The following TONSL variants were observed in gnomAD, a reference collection of about 807,000 sequenced individuals.
TONSL encodes the protein tonsoku-like protein.
TONSL carries 112 observed loss-of-function variants against 147.1 expected under a neutral mutation model. That is an observed-to-expected ratio of 0.76 (90% CI 0.65 to 0.89). The LOEUF is 0.89. Among genes scored for constraint, TONSL ranks in the 40% least tolerant of loss-of-function variants. TONSL has a pLI of 0.00. For synonymous variants in TONSL, 868 were observed against 801.5 expected (o/e 1.08, Z -1.40); for missense variants, 1,883 against 1,864.6 (o/e 1.01, Z -0.18).
Position 144,436,303 on chromosome 8 carries a change from C to T in TONSL, c.2130G>A (p.Glu710=). 1 of 1,504,000 alleles carries T rather than the reference C, an allele frequency of 6.6e-7. No individual in the cohort carries two copies. The highest frequency in any genetic ancestry group is 8.8e-7 in the Non-Finnish European group (1 of 1,133,032). The allele number at this position is 1,504,000 out of a possible 1,614,324, so 93.2% of individuals were successfully genotyped here. The stretch of plus-strand genomic sequence containing the variant: ...AGACCCTGACATGGGCCTGAGAGGC[C>T]TCTGGGAGTCTAGTGCTATTAGAGG... The part of the protein sequence containing the change: ...EPPSNSTRLP[E]ASQAHVRVSP... Residue 710 remains glutamate, a synonymous_variant, in exon 17 of 26, where the codon GAG becomes GAA. Coordinates refer to ENST00000409379, the MANE Select transcript of TONSL (RefSeq NM_013432.5).
At chr8:144,432,645 A>C in intron 22 of TONSL, 185 bp from the exon 23 acceptor site, 1 of 569,608 alleles carries the variant, frequency 1.8e-6, no homozygotes, top group Non-Finnish European at 2.8e-6. Context: ...GCGGGGCCAG[A>C]CTTCCAAGCT....
chr8:144,431,659 C>T lies in TONSL; in HGVS notation c.3736-508G>A, dbSNP rs191746061. 8.3e-3 allele frequency among the ~76,000 whole-genome samples: 1,263 copies of T among 151,754 alleles called. 14 individuals carry two copies. The highest frequency in any genetic ancestry group is 0.024 in the African/African-American group (1,004 of 41,368). ...TCCCAAGTAGCTGGGACTCCAGGAG[C>T]CCGTCACCACGCCCGGCTAATTTTT... On this transcript the variant is annotated intron_variant, in intron 23 of 25. Transcript: ENST00000409379.
At chr8:144,441,135 G>C in intron 7 of TONSL, 24 bp from the exon 8 acceptor site, 2 of 1,611,162 alleles carry the variant, frequency 1.2e-6, no homozygotes, top group Non-Finnish European at 1.7e-6. Context: ...GTTCATGCAG[G>C]GGGGCAGCAC....
chr8:144,440,685 A>T, intron 9 of TONSL, 33 bp downstream of exon 9: 2 of 1,599,750 alleles, frequency 1.3e-6, no homozygotes, highest in Non-Finnish European at 1.7e-6. Context: ...GACATGGGTG[A>T]ACCTGCATTC....
At chr8:144,438,021 A>G (rs1456656589) in intron 13 of TONSL, among the ~76,000 whole-genome samples, 1 of 151,222 alleles carries the variant, frequency 6.6e-6, no homozygotes, top group Non-Finnish European at 1.5e-5. Context: ...TCCCACCTCA[A>G]CCTCCAAAGC....
intron 13 of TONSL, 101 bp from the exon 14 acceptor site, chr8:144,437,200 T>C: frequency 8.2e-7 from 1 of 1,223,984 alleles, no homozygotes; most frequent in Middle Eastern, 2.3e-4. Context: ...GCCTCAGTCT[T>C]AGAGCCCAGA....
intron 23 of TONSL, 54 bp downstream of exon 23, chr8:144,432,231 G>C: frequency 6.3e-7 from 1 of 1,588,314 alleles, no homozygotes; most frequent in Non-Finnish European, 8.6e-7. Context: ...CAGCAACCCT[G>C]GGACCTTTGG....
rs1048649220 is a variant in TONSL, at chr8:144,435,302, C to G, written c.2853-132G>C. On this transcript the variant is annotated intron_variant, in intron 18 of 25. Coordinates refer to ENST00000409379, the MANE Select transcript of TONSL (RefSeq NM_013432.5). Reference sequence around the variant, plus strand: ...CATTCCCAGGTAGCCGGCCCCTCCTCTCCCTGCAGCCCAGCACACCACCAG... The same window carrying G: ...CATTCCCAGGTAGCCGGCCCCTCCTGTCCCTGCAGCCCAGCACACCACCAG... The G allele has an allele frequency of 1.8e-5, 24 of 1,309,974 alleles. No individual in the cohort carries two copies. In the Admixed American group the frequency reaches 4.3e-4, roughly 23 times the overall value. The allele number at this position is 1,309,974 out of a possible 1,614,324, so 81.1% of individuals were successfully genotyped here. A position where few individuals can be genotyped will look rare whatever the true frequency, so the allele number is the denominator to read the frequency against.
rs373966287 is a variant in TONSL, at chr8:144,442,284, C to T, written c.707G>A (p.Arg236Lys). 27 of 1,597,408 alleles carry T rather than the reference C, an allele frequency of 1.7e-5. No individual in the cohort carries two copies. The highest frequency in any genetic ancestry group is 2.2e-5 in the Non-Finnish European group (26 of 1,168,478). The change falls in exon 6 of 26, where the codon AGG (arginine) becomes AAG (lysine). Residue 236 changes from arginine to lysine, a missense_variant. By Grantham distance (26) the Arg-to-Lys change is conservative. Coordinates refer to ENST00000409379, the MANE Select transcript of TONSL (RefSeq NM_013432.5). ...EGARECAHTM[R>K]KRFMESECCV... ...GCACTCGCTCTCCATGAACCGCTTC[C>T]TCATGGTGTGCGCACACTCCCGGGC...
intron 5 of TONSL, 123 bp from the exon 6 acceptor site, chr8:144,442,535 T>C: frequency 2.0e-6 from 3 of 1,479,042 alleles, no homozygotes; most frequent in East Asian, 4.6e-5. Context: ...CTTCTCCCAG[T>C]GTGTGGCACA....
chr8:144,436,156 C>A lies in TONSL; in HGVS notation c.2277G>T (p.Arg759Ser), dbSNP rs1296137715. The change falls in exon 17 of 26, where the codon AGG (arginine) becomes AGT (serine). Residue 759 changes from arginine to serine, a missense_variant. Physicochemically the swap from Arg to Ser is moderately radical, Grantham distance 110. Transcript: ENST00000409379. ...SAGPARPSQK[R>S]PRCSATAQRV... Reference sequence around the variant, plus strand: ...GTTGTGCTGTGGCCGAGCACCGAGGCCTCTTCTGGGACGGCCGTGCGGGGC... The same window carrying A: ...GTTGTGCTGTGGCCGAGCACCGAGGACTCTTCTGGGACGGCCGTGCGGGGC... The A allele has an allele frequency of 2.5e-6, 4 of 1,572,926 alleles. No homozygotes were observed. The highest frequency in any genetic ancestry group is 1.1e-5 in the South Asian group (1 of 88,710).
Position 144,440,208 on chromosome 8 carries a change from C to T in TONSL, c.1293G>A (p.Arg431=). The change falls in exon 11 of 26, where the codon AGG becomes AGA. Residue 431 remains arginine, a splice_region_variant and synonymous_variant. Transcript: ENST00000409379. ...AQQAQRPQLQ[R]QVLQHLHTVQ... ...CGGTATGGAGATGCTGCAAGACCTG[C>T]CTCTGAGGAGCAGAGGGATGCTCAG... The T allele has an allele frequency of 6.3e-7, 1 of 1,591,626 alleles. No individual in the cohort carries two copies. Among genetic ancestry groups the T allele is most frequent in the South Asian group, 1.1e-5 (1 of 89,126 alleles).
intron 23 of TONSL, among the ~76,000 whole-genome samples, chr8:144,431,911 C>T (rs1305316810): frequency 6.6e-6 from 1 of 151,130 alleles, no homozygotes; most frequent in Non-Finnish European, 1.5e-5. Flanking sequence ...TCACTGCAAC[C>T]TCTGCCTCCC....
At position 144,438,458 on chromosome 8, in the gene TONSL, G is replaced by C. The variant is rs781476777; in HGVS notation, c.1653+13C>G. Reference sequence around the variant, plus strand: ...GCTAGGCAGCCTGTCCCACGTCCCAGAGCGGGGCCCACCTGCCTCACAAGG... The same window carrying C: ...GCTAGGCAGCCTGTCCCACGTCCCACAGCGGGGCCCACCTGCCTCACAAGG... On this transcript the variant is annotated intron_variant, in intron 13 of 25. Transcript: ENST00000409379. The C allele has an allele frequency of 6.2e-6, 10 of 1,611,326 alleles. No individual in the cohort carries two copies. Among genetic ancestry groups the C allele is most frequent in the Admixed American group, 1.7e-5 (1 of 59,968 alleles).
intron 9 of TONSL, 58 bp from the exon 10 acceptor site, chr8:144,440,534 C>T: frequency 6.5e-7 from 1 of 1,543,880 alleles, no homozygotes; most frequent in Non-Finnish European, 8.7e-7. Context: ...CAACGGGCCC[C>T]AGTCAAGCTT....
chr8:144,444,140 G>A (rs945972644), intron 2 of TONSL, 40 bp downstream of exon 2: 11 of 1,351,914 alleles, frequency 8.1e-6, no homozygotes, highest in African/African-American at 1.5e-5. Context: ...CCGGGCCCGG[G>A]CCCCGGCCCT....
In TONSL at chr8:144,434,231, A is replaced by G. The variant is rs1029395454; in HGVS notation, c.3134T>C (p.Leu1045Pro). 3.2e-6 allele frequency: 5 copies of G among 1,544,816 alleles called. No homozygotes were observed. The highest frequency in any genetic ancestry group is 3.9e-5 in the Admixed American group (2 of 51,598). Reference protein sequence around the residue: ...LQAVELQGLGLSFSACSLALD... With the variant: ...LQAVELQGLGPSFSACSLALD... ...GGCCAGGGAGCAGGCGCTGAACGAGAGGCCCAAGCCCTGGAGCTCCACGGC... is the reference window on the plus strand; with the variant it reads ...GGCCAGGGAGCAGGCGCTGAACGAGGGGCCCAAGCCCTGGAGCTCCACGGC... The change falls in exon 21 of 26, where the codon CTC (leucine) becomes CCC (proline). Residue 1045 changes from leucine (L) to proline (P), a missense_variant. By Grantham distance (98) the Leu-to-Pro change is moderately conservative. Coordinates refer to ENST00000409379, the MANE Select transcript of TONSL (RefSeq NM_013432.5).
At position 144,437,098 on chromosome 8, in the gene TONSL, C is replaced by T; in HGVS notation, c.1655G>A (p.Gly552Asp). The change falls in exon 14 of 26, where the codon GGC (glycine) becomes GAC (aspartate). Residue 552 changes from glycine (G) to aspartate (D), a missense_variant and splice_region_variant. Transcript: ENST00000409379. Reference protein sequence around the residue: ...LRRVQDLVRQGHPLNPRDYCG... With the variant: ...LRRVQDLVRQDHPLNPRDYCG... ...GTAGTCCCGAGGGTTAAGGGGGTGG[C>T]CCTGTGACCAAGGACAGGAAGGAGC... The T allele has an allele frequency of 6.2e-7, 1 of 1,612,804 alleles. No homozygotes were observed. The highest frequency in any genetic ancestry group is 8.5e-7 in the Non-Finnish European group (1 of 1,179,878).
At chr8:144,431,986 C>A (rs143477008) in intron 23 of TONSL, among the ~76,000 whole-genome samples, 3,358 of 152,102 alleles carry the variant, frequency 0.022, 50 homozygotes, top group Admixed American at 0.035. Flanking sequence ...CGCCACCACG[C>A]CTGGGTAATT....
Sources: gnomAD v4.1 joint callset for allele counts (sites outside exome capture counted in the v4.1 genomes callset) on GRCh38, gnomAD v4.1.1 for gene constraint, MANE v1.5 for transcripts, NCBI Gene and HGNC (gene_info 2026-07-23, HGNC 2026-07-21) for gene names.